PRKCG: variants seen among roughly 807,000 people sequenced by gnomAD.
The protein encoded by PRKCG is protein kinase C gamma type.
In PRKCG, 28 loss-of-function variants were observed where a neutral mutation model predicts 82.0. That is an observed-to-expected ratio of 0.34 (90% CI 0.25 to 0.47). PRKCG has a LOEUF of 0.47. PRKCG is among the 20% of genes least tolerant of loss of function. The pLI is 1.00. For missense variants in PRKCG, 640 were observed against 952.7 expected (o/e 0.67, Z 4.32); for synonymous variants, 383 against 376.6 (o/e 1.02, Z -0.20).
Position 53,884,283 on chromosome 19 carries a change from C to T in PRKCG, c.285+40C>T, listed in dbSNP as rs772049811. The T allele has an allele frequency of 1.8e-5, 28 of 1,575,146 alleles. No homozygotes were observed. The highest frequency in any genetic ancestry group is 2.4e-5 in the Non-Finnish European group (27 of 1,146,086). ...ACCTGGTTCTCCTCCTCGGGCCGTGCCCCCGCCCTCACCCCCTCGGCGTCC... is the reference window on the plus strand; with the variant it reads ...ACCTGGTTCTCCTCCTCGGGCCGTGTCCCCGCCCTCACCCCCTCGGCGTCC... On this transcript the variant is annotated intron_variant, in intron 3 of 17. Transcript: ENST00000263431. This position sits in a 1 kb window ranked among gnomAD's most constrained non-coding sequence, Gnocchi z 4.6.
chr19:53,904,554 G>C, intron 15 of PRKCG, 81 bp from the exon 16 acceptor site: 1 of 1,234,798 alleles, frequency 8.1e-7, no homozygotes, highest in East Asian at 2.5e-5. Flanking sequence ...GCATGTTCCC[G>C]GTGGGGTGAG....
At chr19:53,888,368 T>C (rs2068647282) in intron 3 of PRKCG, among the ~76,000 whole-genome samples, 1 of 152,164 alleles carries the variant, frequency 6.6e-6, no homozygotes, top group Non-Finnish European at 1.5e-5. Context: ...CAAGCAGATA[T>C]TGTCCCGGGG....
In PRKCG at chr19:53,889,401, A is replaced by G. The variant is rs944882315; in HGVS notation, c.286-237A>G. Among the ~76,000 whole-genome samples the G allele has an allele frequency of 6.6e-6, 1 of 152,038 alleles. No homozygotes were observed. On this transcript the variant is annotated intron_variant, in intron 3 of 17. Coordinates refer to ENST00000263431, the MANE Select transcript of PRKCG (RefSeq NM_002739.5). The surrounding 1 kb of genome is among the most constrained non-coding windows in gnomAD (Gnocchi z 4.4). ...TACATTCTGTATCCCTCCATTAGGAAGTAAACTCCATGTGACAAAGAGGTT... is the reference window on the plus strand; with the variant it reads ...TACATTCTGTATCCCTCCATTAGGAGGTAAACTCCATGTGACAAAGAGGTT...
At chr19:53,882,016 G>C (rs566601616), upstream of PRKCG, among the ~76,000 whole-genome samples, 26 of 152,192 alleles carry the variant, frequency 1.7e-4, no homozygotes, top group Admixed American at 8.5e-4. The surrounding 1 kb of genome is among the most constrained non-coding windows in gnomAD (Gnocchi z 6.1). Context: ...GCAGGGTGGT[G>C]GGGGGGAGCC....
chr19:53,904,133 C>A (rs777433554), intron 15 of PRKCG, among the ~76,000 whole-genome samples: 1 of 151,866 alleles, frequency 6.6e-6, no homozygotes, highest in Non-Finnish European at 1.5e-5. Flanking sequence ...TGGTGGCTCA[C>A]GCCTGTAATC....
rs1221750969 is a variant in PRKCG at position 53,900,501 on chromosome 19, T to C, written c.1436+20T>C. On this transcript the variant is annotated intron_variant, in intron 13 of 17. Transcript: ENST00000263431. The surrounding 1 kb of genome is among the most constrained non-coding windows in gnomAD (Gnocchi z 4.2). ...CTACAGGTGAGCAGCCCCAGGAATTTCCGTGGAGGAAATCACGCCCCTGGA... is the reference window on the plus strand; with the variant it reads ...CTACAGGTGAGCAGCCCCAGGAATTCCCGTGGAGGAAATCACGCCCCTGGA... 2 of 1,614,024 alleles carry C rather than the reference T, an allele frequency of 1.2e-6. No homozygotes were observed. The highest frequency in any genetic ancestry group is 2.2e-5 in the South Asian group (2 of 91,090).
Position 53,904,708 on chromosome 19 carries a change from C to T in PRKCG, c.1730C>T (p.Ser577Leu), listed in dbSNP as rs551805527. ...IMEQTVTYPK[S>L]LSREAVAICK... Reference sequence around the variant, plus strand: ...GAACAAACTGTCACCTACCCCAAGTCGCTTTCCCGGGAAGCCGTGGCCATC... The same window carrying T: ...GAACAAACTGTCACCTACCCCAAGTTGCTTTCCCGGGAAGCCGTGGCCATC... Residue 577 changes from serine to leucine, a missense_variant, in exon 16 of 18, where the codon TCG becomes TTG. Ser to Leu is a moderately radical substitution (Grantham distance 145). Transcript: ENST00000263431. 5.9e-5 allele frequency: 96 copies of T among 1,613,862 alleles called. No individual in the cohort carries two copies. The highest frequency in any genetic ancestry group is 6.6e-5 in the South Asian group (6 of 91,042).
Position 53,892,784 on chromosome 19 carries a change from A to ACACACACG in PRKCG, c.821+149_821+156dup. The ACACACACG allele has an allele frequency of 1.9e-6, 2 of 1,081,012 alleles. No homozygotes were observed. Among genetic ancestry groups the ACACACACG allele is most frequent in the Middle Eastern group, 4.5e-4 (2 of 4,406 alleles). The allele number at this position is 1,081,012 out of a possible 1,614,324, so 67.0% of individuals were successfully genotyped here. On this transcript the variant is annotated intron_variant, in intron 7 of 17. Transcript: ENST00000263431. The surrounding 1 kb of genome is among the most constrained non-coding windows in gnomAD (Gnocchi z 5.9). ...CACACACACACACACACACACACGC[A>ACACACACG]CACACACGCACACACCCCTCTCTCT...
At position 53,906,010 on chromosome 19, in the gene PRKCG, GCTCT is replaced by G. The variant is rs558485307; in HGVS notation, c.1765-304_1765-301del. On this transcript the variant is annotated intron_variant, in intron 16 of 17. Transcript: ENST00000263431. ...TCTCCTCTCTGTCTCTCTCTGTCTCGCTCTCTGTCTGTCTCCCTCCTCCTCCTCC... is the reference window on the plus strand; with the variant it reads ...TCTCCTCTCTGTCTCTCTCTGTCTCGCTGTCTGTCTCCCTCCTCCTCCTCC... 3.9e-3 allele frequency among the ~76,000 whole-genome samples: 318 copies of G among 80,540 alleles called. 9 individuals carry two copies. Among genetic ancestry groups the G allele is most frequent in the African/African-American group, 0.025 (306 of 12,162 alleles). 52.8% of individuals were successfully genotyped at this position (80,540 alleles called of 152,430 possible).
rs759082662 is a variant in PRKCG at position 53,906,270 on chromosome 19, G to A, written c.1765-47G>A. ...CCTCTTTCTCTGGGTCTACCTGTCC[G>A]GCACTCTGTCTGTTTGTCTGTCTGT... On this transcript the variant is annotated intron_variant, in intron 16 of 17. Coordinates refer to ENST00000263431, the MANE Select transcript of PRKCG (RefSeq NM_002739.5). The A allele has an allele frequency of 4.6e-5, 72 of 1,549,350 alleles. No individual in the cohort carries two copies. The Admixed American group carries it at 6.1e-4, about 13-fold the overall frequency.
chr19:53,882,731 C>T lies in PRKCG; in HGVS notation c.170+67C>T. The stretch of plus-strand genomic sequence containing the variant: ...GGGGTGCAGACTCCTATCACGCCGA[C>T]CCCTGTGGAAGGAAGAAGGAGGGGG... On this transcript the variant is annotated intron_variant, in intron 1 of 17. Coordinates refer to ENST00000263431, the MANE Select transcript of PRKCG (RefSeq NM_002739.5). This position sits in a 1 kb window ranked among gnomAD's most constrained non-coding sequence, Gnocchi z 6.1. 2 of 1,582,720 alleles carry T rather than the reference C, an allele frequency of 1.3e-6. No homozygotes were observed. The highest frequency in any genetic ancestry group is 1.7e-6 in the Non-Finnish European group (2 of 1,163,106).
chr19:53,894,228 G>A (rs2068701694), intron 9 of PRKCG, among the ~76,000 whole-genome samples: 1 of 151,730 alleles, frequency 6.6e-6, no homozygotes, highest in Non-Finnish European at 1.5e-5. Context: ...ACCATGCCCG[G>A]CTAATTTTTT....
chr19:53,887,496 TC>T (rs1479745978), intron 3 of PRKCG, among the ~76,000 whole-genome samples: 2 of 24,508 alleles, frequency 8.2e-5, no homozygotes, highest in Non-Finnish European at 1.3e-4. Context: ...AAACTCTGTC[TC>T]AAAAAAAAAA....
intron 9 of PRKCG, among the ~76,000 whole-genome samples, chr19:53,895,718 C>T (rs748562111): frequency 1.3e-4 from 20 of 152,144 alleles, no homozygotes; most frequent in Non-Finnish European, 2.1e-4. Context: ...AAATGTCTGC[C>T]TACTAAATTA....
chr19:53,902,907 A>AC (rs1341389026), intron 14 of PRKCG, among the ~76,000 whole-genome samples, 166 bp from the exon 15 acceptor site: 4 of 151,170 alleles, frequency 2.6e-5, no homozygotes, highest in African/African-American at 9.8e-5. Flanking sequence ...AAAAAAAAAA[A>AC]AAAAAAAAAC....
chr19:53,893,495 C>A, intron 9 of PRKCG, 104 bp downstream of exon 9: 3 of 1,268,072 alleles, frequency 2.4e-6, no homozygotes, highest in Non-Finnish European at 3.4e-6. Flanking sequence ...ATGAGTTGAG[C>A]ACACATTTGT....
At chr19:53,881,114 A>T (rs909774113), upstream of PRKCG, among the ~76,000 whole-genome samples, 2 of 123,560 alleles carry the variant, frequency 1.6e-5, no homozygotes, top group African/African-American at 5.5e-5. Context: ...TAGACAGGAG[A>T]GAGACCCCCC....
intron 14 of PRKCG, among the ~76,000 whole-genome samples, chr19:53,901,860 A>G (rs1568761290): frequency 6.6e-6 from 1 of 151,624 alleles, no homozygotes; most frequent in Non-Finnish European, 1.5e-5. Context: ...AAAAAAAAAA[A>G]AAAAAAGAAA....
chr19:53,897,447 C>T (rs1427823020), intron 9 of PRKCG, among the ~76,000 whole-genome samples: 1 of 152,166 alleles, frequency 6.6e-6, no homozygotes, highest in African/African-American at 2.4e-5. Context: ...AAGCTTTTTA[C>T]ACATAACGAT....
Sources: gnomAD v4.1 joint callset for allele counts (sites outside exome capture counted in the v4.1 genomes callset) on GRCh38, gnomAD v4.1.1 for gene constraint, Gnocchi (gnomAD v3.1) non-coding constraint, MANE v1.5 for transcripts, NCBI Gene and HGNC (gene_info 2026-07-23, HGNC 2026-07-21) for gene names.